The following COL22A1 variants were observed in gnomAD, a reference collection of about 807,000 sequenced individuals.
The protein encoded by COL22A1 is collagen type XXII alpha 1 chain.
Under a neutral mutation model 248.9 loss-of-function variants are expected in COL22A1, and 221 were observed. That is an observed-to-expected ratio of 0.89 (90% CI 0.80 to 0.99). COL22A1 has a LOEUF of 0.99. COL22A1 is among the 50% of genes least tolerant of loss of function. The probability of loss-of-function intolerance (pLI) is 0.00; values close to 1 mark genes in which losing one functional copy is unlikely to be tolerated. For missense variants in COL22A1, 2,240 were observed against 2,179.0 expected, an observed-to-expected ratio of 1.03 and a Z score of -0.56; for synonymous variants, 891 against 793.4, an observed-to-expected ratio of 1.12 and a Z score of -2.07.
Position 138,762,412 on chromosome 8 carries a change from C to T in COL22A1, c.1857+1G>A. On this transcript the variant is annotated splice_donor_variant, in intron 17 of 64. Coordinates refer to ENST00000303045, the MANE Select transcript of COL22A1 (RefSeq NM_152888.3). LOFTEE classifies it high-confidence loss of function. ...GCCCAACAGCGCCAGCACCCACCTACCTGCTGTCCTGTGTCCCCAGGCTTC... is the reference window on the plus strand; with the variant it reads ...GCCCAACAGCGCCAGCACCCACCTATCTGCTGTCCTGTGTCCCCAGGCTTC... The T allele has an allele frequency of 1.2e-6, 2 of 1,614,082 alleles. No homozygotes were observed. Among genetic ancestry groups the T allele is most frequent in the Non-Finnish European group, 8.5e-7 (1 of 1,179,996 alleles).
At position 138,700,127 on chromosome 8, in the gene COL22A1, T is replaced by C. The variant is rs777942067; in HGVS notation, c.2577A>G (p.Pro859=). 2 of 1,613,584 alleles carry C rather than the reference T, an allele frequency of 1.2e-6. No individual in the cohort carries two copies. The highest frequency in any genetic ancestry group is 1.7e-6 in the Non-Finnish European group (2 of 1,179,918). Reference sequence around the variant, plus strand: ...TACTACTTACGGGCATCCGTGGATGTGGTGTGAACAGGGATGTCTGAAAAG... The same window carrying C: ...TACTACTTACGGGCATCCGTGGATGCGGTGTGAACAGGGATGTCTGAAAAG... ...GLPGTTSLFT[P]HPRMPGEQGP... The change falls in exon 32 of 65, where the codon CCA becomes CCG. Residue 859 remains proline, a synonymous_variant. Transcript: ENST00000303045.
intron 22 of COL22A1, among the ~76,000 whole-genome samples, chr8:138,741,666 G>C (rs375509692): frequency 2.0e-5 from 3 of 152,180 alleles, no homozygotes; most frequent in African/African-American, 4.8e-5. Flanking sequence ...TCATATTCTG[G>C]CTCCTTTGTG....
intron 12 of COL22A1, among the ~76,000 whole-genome samples, chr8:138,796,566 G>A (rs1301832160): frequency 2.0e-5 from 3 of 151,526 alleles, no homozygotes; most frequent in Non-Finnish European, 4.4e-5. Flanking sequence ...CAAGATATAT[G>A]TGTCCTACTC....
chr8:138,714,723 C>A (rs193159844), intron 30 of COL22A1, among the ~76,000 whole-genome samples: 398 of 152,296 alleles, frequency 2.6e-3, no homozygotes, highest in Non-Finnish European at 3.8e-3. Context: ...GAAGACAATG[C>A]CAACGAAGCC....
chr8:138,654,961 C>T (rs952373034), intron 45 of COL22A1, among the ~76,000 whole-genome samples: 1 of 152,212 alleles, frequency 6.6e-6, no homozygotes, highest in Non-Finnish European at 1.5e-5. Flanking sequence ...GCGCTCTGGT[C>T]CTGGCCCAGC....
At chr8:138,671,518 T>G (rs1035256428) in intron 41 of COL22A1, among the ~76,000 whole-genome samples, 2 of 152,258 alleles carry the variant, frequency 1.3e-5, no homozygotes, top group Admixed American at 1.3e-4. Context: ...CATCTCTGCG[T>G]GAGCAGTCTG....
intron 30 of COL22A1, among the ~76,000 whole-genome samples, chr8:138,711,153 G>A (rs968608470): frequency 3.3e-5 from 5 of 152,156 alleles, no homozygotes; most frequent in Admixed American, 6.5e-5. Flanking sequence ...TGATGCAACA[G>A]GCCTGGGTTC....
At chr8:138,882,612 CCACA>C (rs769920522) in intron 2 of COL22A1, among the ~76,000 whole-genome samples, 1 of 146,962 alleles carries the variant, frequency 6.8e-6, no homozygotes, top group Admixed American at 6.8e-5. Context: ...CCTCACACTC[CCACA>C]CACTCTTCCT....
At chr8:138,722,485 T>C (rs1323965362) in intron 25 of COL22A1, among the ~76,000 whole-genome samples, 1 of 152,212 alleles carries the variant, frequency 6.6e-6, no homozygotes, top group Non-Finnish European at 1.5e-5. Flanking sequence ...TCTTGTATCT[T>C]CCTTCCCACT....
chr8:138,731,169 C>T (rs891859724), intron 23 of COL22A1, among the ~76,000 whole-genome samples: 2 of 151,918 alleles, frequency 1.3e-5, no homozygotes, highest in Non-Finnish European at 2.9e-5. Flanking sequence ...GGTGTGGTGA[C>T]GCATGCCTGT....
At chr8:138,813,832 A>G (rs995260553) in intron 7 of COL22A1, among the ~76,000 whole-genome samples, 9 of 151,690 alleles carry the variant, frequency 5.9e-5, no homozygotes, top group African/African-American at 2.2e-4. Flanking sequence ...TGCATTGAAC[A>G]AGATCCTTAA....
Position 138,762,424 on chromosome 8 carries a change from T to G in COL22A1, c.1846A>C (p.Thr616Pro). ...CAGCACCCACCTACCTGCTGTCCTG[T>G]GTCCCCAGGCTTCCCAGGGAATCCA... ...LDGFPGKPGD[T>P]GQQGRPGPSG... The change falls in exon 17 of 65, where the codon ACA (threonine) becomes CCA (proline). Residue 616 changes from threonine (T) to proline (P), a missense_variant. Coordinates refer to ENST00000303045, the MANE Select transcript of COL22A1 (RefSeq NM_152888.3). 6.2e-7 allele frequency: 1 copy of G among 1,614,114 alleles called. No homozygotes were observed. The highest frequency in any genetic ancestry group is 8.5e-7 in the Non-Finnish European group (1 of 1,180,010).
intron 6 of COL22A1, among the ~76,000 whole-genome samples, chr8:138,822,040 T>TTTGTC (rs1188424891): frequency 1.2e-4 from 18 of 151,534 alleles, no homozygotes; most frequent in Admixed American, 9.2e-4. Flanking sequence ...GATTTTTTGT[T>TTTGTC]TTGTTTTGTT....
rs748659059 is a variant in COL22A1 at position 138,802,890 on chromosome 8, C to A, written c.1539G>T (p.Lys513Asn). 8 of 1,613,910 alleles carry A rather than the reference C, an allele frequency of 5.0e-6. No homozygotes were observed. Among genetic ancestry groups the A allele is most frequent in the Non-Finnish European group, 5.9e-6 (7 of 1,179,914 alleles). Residue 513 changes from lysine to asparagine, a missense_variant, in exon 11 of 65, where the codon AAG becomes AAT. Lys to Asn is a moderately conservative substitution (Grantham distance 94, BLOSUM62 0). Coordinates refer to ENST00000303045, the MANE Select transcript of COL22A1 (RefSeq NM_152888.3). ...TACTCACCACATCACCTTTCTCTCCCTTAGGTCCAGGAGCGCCAACCGGCC... is the reference window on the plus strand; with the variant it reads ...TACTCACCACATCACCTTTCTCTCCATTAGGTCCAGGAGCGCCAACCGGCC... ...AIGPVGAPGP[K>N]GEKGDVGIGP...
chr8:138,754,187 CATGT>C (rs1427880086), intron 21 of COL22A1, among the ~76,000 whole-genome samples: 3 of 152,136 alleles, frequency 2.0e-5, no homozygotes, highest in Admixed American at 6.5e-5. Context: ...CTGAAATATA[CATGT>C]ATGTATGCAT....
At chr8:138,823,324 G>A (rs1249266598) in intron 6 of COL22A1, among the ~76,000 whole-genome samples, 1 of 152,166 alleles carries the variant, frequency 6.6e-6, no homozygotes, top group Non-Finnish European at 1.5e-5. Context: ...CAAGTTCACA[G>A]GCATCACAGC....
chr8:138,760,734 G>A (rs1833407226), intron 17 of COL22A1, among the ~76,000 whole-genome samples: 1 of 152,170 alleles, frequency 6.6e-6, no homozygotes. Context: ...GCCAGGATTA[G>A]TTAGGGCCAC....
intron 13 of COL22A1, among the ~76,000 whole-genome samples, chr8:138,780,067 G>T (rs1223017509): frequency 6.6e-6 from 1 of 152,178 alleles, no homozygotes; most frequent in Non-Finnish European, 1.5e-5. Context: ...TGGCAACACA[G>T]TATTAGCTCC....
At chr8:138,774,969 C>A (rs1483455364) in intron 16 of COL22A1, among the ~76,000 whole-genome samples, 1 of 152,188 alleles carries the variant, frequency 6.6e-6, no homozygotes, top group Non-Finnish European at 1.5e-5. Flanking sequence ...GGGAAATATG[C>A]CTACGTGCCC....
Sources: gnomAD v4.1 joint callset for allele counts (sites outside exome capture counted in the v4.1 genomes callset) on GRCh38, gnomAD v4.1.1 for gene constraint, MANE v1.5 for transcripts, NCBI Gene and HGNC (gene_info 2026-07-23, HGNC 2026-07-21) for gene names.